INPP4B: variants seen among roughly 807,000 people sequenced by gnomAD.
INPP4B encodes inositol polyphosphate 4-phosphatase type II.
Under a neutral mutation model 122.5 loss-of-function variants are expected in INPP4B, and 55 were observed. The observed-to-expected ratio is 0.45, with a 90% CI of 0.36 to 0.56. The LOEUF is 0.56. Ranked by LOEUF, INPP4B falls within the 20% of genes least tolerant of loss-of-function variation. INPP4B has a pLI of 0.00. For missense variants in INPP4B, 1,000 were observed against 1,097.7 expected, an observed-to-expected ratio of 0.91 and a Z score of 1.26; for synonymous variants, 403 against 388.7, an observed-to-expected ratio of 1.04 and a Z score of -0.43.
chr4:142,060,298 A>G (rs1759915727), intron 25 of INPP4B, among the ~76,000 whole-genome samples: 1 of 152,162 alleles, frequency 6.6e-6, no homozygotes, highest in Admixed American at 6.5e-5. Flanking sequence ...ATGCTCATTT[A>G]GGCCACCATT....
At chr4:142,289,823 G>C (rs1254476598) in intron 9 of INPP4B, among the ~76,000 whole-genome samples, 1 of 152,058 alleles carries the variant, frequency 6.6e-6, no homozygotes, top group Non-Finnish European at 1.5e-5. Flanking sequence ...CCCAAATCTA[G>C]ACCAAAACTA....
At chr4:142,804,683 T>C (rs1778456144) in intron 1 of INPP4B, among the ~76,000 whole-genome samples, 1 of 152,218 alleles carries the variant, frequency 6.6e-6, no homozygotes, top group South Asian at 2.1e-4. Flanking sequence ...TTTTTGTTTT[T>C]TGAGACATGG....
chr4:142,836,477 T>C (rs1421128712), intron 1 of INPP4B, among the ~76,000 whole-genome samples: 1 of 151,952 alleles, frequency 6.6e-6, no homozygotes, highest in African/African-American at 2.4e-5. Flanking sequence ...TATGAGGTAA[T>C]AGAAGCACAA....
chr4:142,208,438 G>T lies in INPP4B; in HGVS notation c.1059C>A (p.Ser353Arg), dbSNP rs748315904. The change falls in exon 14 of 26, where the codon AGC (serine) becomes AGA (arginine). Residue 353 changes from serine to arginine, a missense_variant. Physicochemically the swap from Ser to Arg is moderately radical, Grantham distance 110. Transcript: ENST00000262992. The part of the protein sequence containing the change: ...NLHLQRMQVH[S>R]PHLKDALYDV... ...AATTTATGATACCTTTCAAGTGAGGGCTGTGTACCTGCATTCTTTGCAGAT... is the reference window on the plus strand; with the variant it reads ...AATTTATGATACCTTTCAAGTGAGGTCTGTGTACCTGCATTCTTTGCAGAT... The T allele has an allele frequency of 3.2e-6, 5 of 1,559,124 alleles. No individual in the cohort carries two copies. In the South Asian group the frequency reaches 3.5e-5, roughly 11 times the overall value.
chr4:142,030,224 T>C, intron 25 of INPP4B: 1 of 1,535,512 alleles, frequency 6.5e-7, no homozygotes, highest in Non-Finnish European at 8.7e-7. Context: ...GATAGAAGTG[T>C]CGAGAAGTTG....
At chr4:142,111,842 C>G (rs1304842757) in intron 22 of INPP4B, among the ~76,000 whole-genome samples, 1 of 152,006 alleles carries the variant, frequency 6.6e-6, no homozygotes, top group Non-Finnish European at 1.5e-5. Flanking sequence ...CTCCCGAGTT[C>G]AAAAAATTCT....
chr4:142,045,447 G>T (rs918909877), intron 25 of INPP4B, among the ~76,000 whole-genome samples: 11 of 152,112 alleles, frequency 7.2e-5, no homozygotes, highest in Non-Finnish European at 1.2e-4. Flanking sequence ...AGCCTTACAA[G>T]TGGCTTTCCA....
At chr4:142,416,281 G>T (rs1038854016) in intron 5 of INPP4B, among the ~76,000 whole-genome samples, 1 of 152,070 alleles carries the variant, frequency 6.6e-6, no homozygotes, top group Non-Finnish European at 1.5e-5. Flanking sequence ...GTAGCAAGCC[G>T]ACAGGGAGGC....
In INPP4B at chr4:142,839,331, G is replaced by T. The variant is rs553472361; in HGVS notation, c.-254+6878C>A. Reference sequence around the variant, plus strand: ...AAATTAGCCTGGCATGGTAGTGTGCGCCTGTAATCCCAGCTACCCAGGAGG... The same window carrying T: ...AAATTAGCCTGGCATGGTAGTGTGCTCCTGTAATCCCAGCTACCCAGGAGG... On this transcript the variant is annotated intron_variant, in intron 1 of 25. Coordinates refer to ENST00000262992, the MANE Select transcript of INPP4B (RefSeq NM_001101669.3). 1.2e-4 allele frequency among the ~76,000 whole-genome samples: 18 copies of T among 152,126 alleles called. No individual in the cohort carries two copies. In the East Asian group the frequency reaches 1.6e-3, roughly 13 times the overall value.
intron 2 of INPP4B, among the ~76,000 whole-genome samples, chr4:142,532,489 T>C (rs1676107055): frequency 6.6e-6 from 1 of 152,136 alleles, no homozygotes; most frequent in Admixed American, 6.6e-5. Flanking sequence ...TGATCATCCC[T>C]GGCTTCCCTT....
intron 9 of INPP4B, among the ~76,000 whole-genome samples, chr4:142,272,549 T>C (rs1050643949): frequency 2.0e-5 from 3 of 152,196 alleles, no homozygotes; most frequent in Non-Finnish European, 2.9e-5. Context: ...AGCAAGTATT[T>C]ATCACAAAGA....
intron 1 of INPP4B, among the ~76,000 whole-genome samples, chr4:142,807,907 G>T (rs1779052194): frequency 6.6e-6 from 1 of 152,146 alleles, no homozygotes; most frequent in Non-Finnish European, 1.5e-5. Flanking sequence ...ATTTGTCTAT[G>T]TGTTATTCAA....
intron 2 of INPP4B, among the ~76,000 whole-genome samples, chr4:142,529,939 A>C (rs183732087): frequency 6.6e-6 from 1 of 152,278 alleles, no homozygotes; most frequent in East Asian, 1.9e-4. Flanking sequence ...CAAAGGTTAT[A>C]AAGCTATATC....
intron 4 of INPP4B, 68 bp downstream of exon 4, chr4:142,431,101 G>T: frequency 9.1e-7 from 1 of 1,098,598 alleles, no homozygotes; most frequent in Non-Finnish European, 1.4e-6. Context: ...ATGTATGTAT[G>T]TGTAAGTTTC....
At chr4:142,165,523 A>T (rs1215991454) in intron 16 of INPP4B, among the ~76,000 whole-genome samples, 3 of 151,792 alleles carry the variant, frequency 2.0e-5, no homozygotes, top group Non-Finnish European at 4.4e-5. Context: ...TACAATACAA[A>T]TACAAATATA....
chr4:142,562,120 G>T (rs1422699699), intron 2 of INPP4B, among the ~76,000 whole-genome samples: 4 of 152,122 alleles, frequency 2.6e-5, no homozygotes, highest in African/African-American at 9.7e-5. Flanking sequence ...GAAAGCTGAG[G>T]TATATCTTTA....
At chr4:142,327,742 G>C (rs552674734) in intron 7 of INPP4B, among the ~76,000 whole-genome samples, 2 of 152,080 alleles carry the variant, frequency 1.3e-5, no homozygotes, top group Non-Finnish European at 2.9e-5. Flanking sequence ...CTCTTTCACC[G>C]CTCTACCTAA....
chr4:142,448,857 G>C (rs1236700164), intron 3 of INPP4B, among the ~76,000 whole-genome samples: 1 of 152,036 alleles, frequency 6.6e-6, no homozygotes, highest in Non-Finnish European at 1.5e-5. Context: ...TGTGGAAAAT[G>C]GCATAAATTG....
At chr4:142,034,014 C>A (rs999637458) in intron 25 of INPP4B, among the ~76,000 whole-genome samples, 1 of 152,108 alleles carries the variant, frequency 6.6e-6, no homozygotes, top group African/African-American at 2.4e-5. Flanking sequence ...TCAGGCCAAT[C>A]AGCTAACATT....
Sources: gnomAD v4.1 joint callset for allele counts (sites outside exome capture counted in the v4.1 genomes callset) on GRCh38, gnomAD v4.1.1 for gene constraint, MANE v1.5 for transcripts, NCBI Gene and HGNC (gene_info 2026-07-23, HGNC 2026-07-21) for gene names.